The following TMEM260 variants were observed in gnomAD, a reference collection of about 807,000 sequenced individuals.
TMEM260 encodes protein O-mannosyl-transferase TMEM260.
In TMEM260, 82 loss-of-function variants were observed where a neutral mutation model predicts 88.9. The ratio of observed to expected loss-of-function variants is 0.92; its 90% CI spans 0.77 to 1.11. TMEM260 has a LOEUF of 1.11. TMEM260 is among the 50% of genes least tolerant of loss of function. The pLI is 0.00. For missense variants in TMEM260, 902 were observed against 853.4 expected (o/e 1.06, Z -0.71); for synonymous variants, 314 against 309.3 (o/e 1.02, Z -0.16).
intron 15 of TMEM260, among the ~76,000 whole-genome samples, chr14:56,642,970 C>T (rs551566392): frequency 3.3e-5 from 5 of 152,226 alleles, no homozygotes; most frequent in East Asian, 3.9e-4. Flanking sequence ...CAGGAAGAAG[C>T]TGAATGTCTG....
At chr14:56,658,040 T>C in the TMEM260 span, among the ~76,000 whole-genome samples, 1 of 152,162 alleles carries the variant, frequency 6.6e-6, no homozygotes, top group Non-Finnish European at 1.5e-5. Flanking sequence ...GTAATAAAAG[T>C]GTGTCACCTG....
chr14:56,659,475 C>T, the TMEM260 span, among the ~76,000 whole-genome samples: 18 of 152,258 alleles, frequency 1.2e-4, no homozygotes, highest in African/African-American at 3.6e-4. Context: ...AGGTAGCTCT[C>T]GACCCTGGGC....
At chr14:56,580,371 TTCAG>T (rs1885043095) in intron 1 of TMEM260, among the ~76,000 whole-genome samples, 1 of 152,244 alleles carries the variant, frequency 6.6e-6, no homozygotes, top group Non-Finnish European at 1.5e-5. Context: ...AGTATTTACT[TTCAG>T]TCTTTTTTAG....
At position 56,585,629 on chromosome 14, in the gene TMEM260, C is replaced by T. The variant is rs753101708; in HGVS notation, c.193-132C>T. The T allele has an allele frequency of 2.2e-5, 18 of 811,702 alleles. No homozygotes were observed. In the South Asian group the frequency reaches 2.8e-4, roughly 12 times the overall value. 50.3% of individuals were successfully genotyped at this position (811,702 alleles called of 1,614,324 possible). On this transcript the variant is annotated intron_variant, in intron 2 of 15. Transcript: ENST00000261556. ...TCAAGAGGATTACAATAGAAAACCA[C>T]TATTCAAACATTTAGTCATTGGTGC... is the stretch of plus-strand genomic sequence containing the variant.
chr14:56,658,787 A>G, the TMEM260 span, among the ~76,000 whole-genome samples: 1 of 151,730 alleles, frequency 6.6e-6, no homozygotes, highest in African/African-American at 2.4e-5. Context: ...CTGGAGTGCA[A>G]TGGTATGATC....
At chr14:56,640,671 A>C (rs971377942) in intron 15 of TMEM260, among the ~76,000 whole-genome samples, 3 of 152,358 alleles carry the variant, frequency 2.0e-5, no homozygotes, top group East Asian at 1.9e-4. Context: ...TGAGAGAAGA[A>C]GGCTTCAGAA....
rs1890065638 is a variant in TMEM260, at chr14:56,647,888, T to C, written c.*391T>C. On this transcript the variant is annotated 3_prime_UTR_variant, in exon 16 of 16. Transcript: ENST00000261556. ...GTTTTAAAGTTAAATTCTTTTGATATTAATACCAGACCAAAGACATTTTCT... is the reference window on the plus strand; with the variant it reads ...GTTTTAAAGTTAAATTCTTTTGATACTAATACCAGACCAAAGACATTTTCT... 1 of 160,864 alleles carries C rather than the reference T, an allele frequency of 6.2e-6. No individual in the cohort carries two copies. Among genetic ancestry groups the C allele is most frequent in the South Asian group, 1.8e-4 (1 of 5,650 alleles). 10.0% of individuals were successfully genotyped at this position (160,864 alleles called of 1,614,324 possible). A position where few individuals can be genotyped will look rare whatever the true frequency, so the allele number is the denominator to read the frequency against.
In TMEM260 at chr14:56,648,915, T is replaced by C. The variant is rs550836301; in HGVS notation, c.*1418T>C. On this transcript the variant is annotated 3_prime_UTR_variant, in exon 16 of 16. Coordinates refer to ENST00000261556, the MANE Select transcript of TMEM260 (RefSeq NM_017799.4). ...TTGACTGCACAATTCGAGCTGAATT[T>C]GCCCCTTGTCAGCTGCCAGTAAATA... 1 of 152,724 alleles carries C rather than the reference T, an allele frequency of 6.5e-6. No individual in the cohort carries two copies. Among genetic ancestry groups the C allele is most frequent in the East Asian group, 1.9e-4 (1 of 5,180 alleles). 9.5% of individuals were successfully genotyped at this position (152,724 alleles called of 1,614,324 possible).
At chr14:56,633,362 A>G (rs1332819892) in intron 13 of TMEM260, 191 bp downstream of exon 13, 20 of 465,392 alleles carry the variant, frequency 4.3e-5, no homozygotes, top group Non-Finnish European at 5.7e-5. Context: ...TTACAGAACA[A>G]TGGGGAGAGA....
downstream of TMEM260, among the ~76,000 whole-genome samples, chr14:56,653,744 A>AAAAAAAAACAAACAAAC (rs1555343591): frequency 7.1e-5 from 10 of 140,136 alleles, no homozygotes; most frequent in Admixed American, 1.4e-4. Flanking sequence ...TCCAAAACAA[A>AAAAAAAAACAAACAAAC]AAAAAAAAAA....
intron 3 of TMEM260, among the ~76,000 whole-genome samples, chr14:56,593,976 C>T (rs898700711): frequency 6.6e-6 from 1 of 151,902 alleles, no homozygotes; most frequent in African/African-American, 2.4e-5. Context: ...CGTGAGCCAC[C>T]GCGCCCGGCC....
At chr14:56,596,433 C>A (rs1200617175) in intron 3 of TMEM260, among the ~76,000 whole-genome samples, 1 of 144,062 alleles carries the variant, frequency 6.9e-6, no homozygotes, top group Non-Finnish European at 1.5e-5. Flanking sequence ...TATACATACA[C>A]ACACATATAC....
At chr14:56,586,506 A>G (rs1885513599) in intron 3 of TMEM260, among the ~76,000 whole-genome samples, 1 of 152,068 alleles carries the variant, frequency 6.6e-6, no homozygotes, top group African/African-American at 2.4e-5. Flanking sequence ...TGCTTTTAAA[A>G]CATTGGTCAT....
In TMEM260 at chr14:56,580,425, A is replaced by G. The variant is rs116424111; in HGVS notation, c.160+351A>G. 3.6e-3 allele frequency among the ~76,000 whole-genome samples: 554 copies of G among 152,358 alleles called. 5 individuals carry two copies. The highest frequency in any genetic ancestry group is 0.013 in the African/African-American group (538 of 41,584). Reference sequence around the variant, plus strand: ...TCACGGTGTCCTTATTATGTTTCAAACAAAAGAACAGTAGTGGCGAACAGA... The same window carrying G: ...TCACGGTGTCCTTATTATGTTTCAAGCAAAAGAACAGTAGTGGCGAACAGA... On this transcript the variant is annotated intron_variant, in intron 1 of 15. Transcript: ENST00000261556.
intron 7 of TMEM260, chr14:56,613,550 T>A (rs1887412569): frequency 6.6e-6 from 1 of 152,202 alleles, no homozygotes; most frequent in Admixed American, 6.5e-5. Context: ...TATTTCTTTT[T>A]AAAAGTAGGA....
intron 7 of TMEM260, among the ~76,000 whole-genome samples, chr14:56,614,835 A>T (rs544923509): frequency 3.3e-4 from 51 of 152,318 alleles, no homozygotes; most frequent in African/African-American, 1.2e-3. Context: ...GGAACATTGA[A>T]AAAGGCAACT....
At chr14:56,594,267 T>C (rs999191144) in intron 3 of TMEM260, among the ~76,000 whole-genome samples, 1 of 151,482 alleles carries the variant, frequency 6.6e-6, no homozygotes, top group Non-Finnish European at 1.5e-5. Flanking sequence ...TTTAAACTAT[T>C]AGCGATATAT....
At chr14:56,612,116 T>G in intron 6 of TMEM260, 129 bp from the exon 7 acceptor site, 3 of 825,096 alleles carry the variant, frequency 3.6e-6, no homozygotes, top group Non-Finnish European at 6.1e-6. Context: ...CCTGTAGAGG[T>G]ACCCCGAAAC....
At chr14:56,643,022 T>G (rs548909587) in intron 15 of TMEM260, among the ~76,000 whole-genome samples, 1 of 152,276 alleles carries the variant, frequency 6.6e-6, no homozygotes, top group African/African-American at 2.4e-5. Context: ...CAATAATTAA[T>G]AGCTTACCAA....
Sources: allele counts gnomAD v4.1 joint callset (sites outside exome capture counted in the v4.1 genomes callset), GRCh38; gene constraint gnomAD v4.1.1; transcripts MANE v1.5; gene names NCBI Gene and HGNC (gene_info 2026-07-23, HGNC 2026-07-21).